CNN1: variants seen among roughly 807,000 people sequenced by gnomAD.
CNN1 encodes the protein calponin 1, also known as calponin-1.
Under a neutral mutation model 35.3 loss-of-function variants are expected in CNN1, and 21 were observed. The observed-to-expected ratio is 0.60, with a 90% confidence interval of 0.42 to 0.86. CNN1 has a LOEUF of 0.86. Among genes scored for constraint, CNN1 ranks in the 40% least tolerant of loss-of-function variants. The pLI is 0.00. For synonymous variants in CNN1, 164 were observed against 161.8 expected, an observed-to-expected ratio of 1.01 and a Z score of -0.10; for missense variants, 314 against 400.8, an observed-to-expected ratio of 0.78 and a Z score of 1.85.
rs759065611 is a variant in CNN1, at chr19:11,541,169, G to T, written c.157G>T (p.Gly53Cys). ...GRRIGNNFMD[G>C]LKDGIILCEF... ...TCGCATCGGCAACAACTTCATGGAC[G>T]GCCTCAAAGATGGCATCATTCTTTG... The change falls in exon 2 of 7, where the codon GGC (glycine) becomes TGC (cysteine). Residue 53 changes from glycine to cysteine, a missense_variant. Gly to Cys is a radical substitution (Grantham distance 159, BLOSUM62 -3). Transcript: ENST00000252456. 7 of 1,599,092 alleles carry T rather than the reference G, an allele frequency of 4.4e-6. No homozygotes were observed. The highest frequency in any genetic ancestry group is 6.0e-6 in the Non-Finnish European group (7 of 1,171,914).
At chr19:11,540,934 G>C (rs779364644) in intron 1 of CNN1, 142 bp from the exon 2 acceptor site, 50 of 877,836 alleles carry the variant, frequency 5.7e-5, no homozygotes, top group Non-Finnish European at 7.5e-5. Flanking sequence ...CCCCAACTAT[G>C]GATCTGGGGC....
rs539832976 is a variant in CNN1 at position 11,539,152 on chromosome 19, C to T, written c.63+162C>T. The T allele has an allele frequency of 3.7e-6, 4 of 1,092,062 alleles. No individual in the cohort carries two copies. In the East Asian group the frequency reaches 1.3e-4, roughly 34 times the overall value. The allele number at this position is 1,092,062 out of a possible 1,614,324, so 67.6% of individuals were successfully genotyped here. On this transcript the variant is annotated intron_variant, in intron 1 of 6. Transcript: ENST00000252456. ...TAGGGGCTGCCTGTCTCCCCCTGAA[C>T]ATCCCGGAGCCCCCAGCTATGGTTG... is the stretch of plus-strand genomic sequence containing the variant.
intron 2 of CNN1, among the ~76,000 whole-genome samples, chr19:11,545,184 G>C (rs1972552673): frequency 6.7e-6 from 1 of 150,052 alleles, no homozygotes; most frequent in African/African-American, 2.5e-5. Flanking sequence ...CTGAGTGACA[G>C]AGCAAGACTC....
chr19:11,545,599 T>C (rs1972562905), intron 2 of CNN1, among the ~76,000 whole-genome samples: 1 of 151,164 alleles, frequency 6.6e-6, no homozygotes, highest in Non-Finnish European at 1.5e-5. Flanking sequence ...AATGAGATGG[T>C]AAGAAACCCA....
At position 11,546,946 on chromosome 19, in the gene CNN1, A is replaced by C. The variant is rs1257847526; in HGVS notation, c.367A>C (p.Thr123Pro). 1 of 1,613,986 alleles carries C rather than the reference A, an allele frequency of 6.2e-7. No individual in the cohort carries two copies. Among genetic ancestry groups the C allele is most frequent in the Non-Finnish European group, 8.5e-7 (1 of 1,180,024 alleles). Residue 123 changes from threonine (T) to proline (P), a missense_variant, in exon 4 of 7, where the codon ACC (threonine) becomes CCC (proline). Coordinates refer to ENST00000252456, the MANE Select transcript of CNN1 (RefSeq NM_001299.6). Reference sequence around the variant, plus strand: ...CACCAACCATACACAGGTGCAGTCCACCCTCCTGGCTTTGGCCAGCATGGT... The same window carrying C: ...CACCAACCATACACAGGTGCAGTCCCCCCTCCTGGCTTTGGCCAGCATGGT... ...ENTNHTQVQS[T>P]LLALASMAKT...
chr19:11,549,157 CA>C lies in CNN1; in HGVS notation c.502-165del, dbSNP rs1459009041. 6.6e-5 allele frequency among the ~76,000 whole-genome samples: 10 copies of C among 150,670 alleles called. No homozygotes were observed. The highest frequency in any genetic ancestry group is 2.4e-4 in the African/African-American group (10 of 40,962). On this transcript the variant is annotated intron_variant, in intron 5 of 6. Coordinates refer to ENST00000252456, the MANE Select transcript of CNN1 (RefSeq NM_001299.6). The surrounding 1 kb of genome is among the most constrained non-coding windows in gnomAD (Gnocchi z 5.2). ...GAGCTGAGATCATGTCACTGCACTCCAGCCTGGGCAACAGAGCAAGACTCCG... is the reference window on the plus strand; with the variant it reads ...GAGCTGAGATCATGTCACTGCACTCCGCCTGGGCAACAGAGCAAGACTCCG...
At position 11,547,920 on chromosome 19, in the gene CNN1, C is replaced by T; in HGVS notation, c.501+13C>T. 1 of 1,607,830 alleles carries T rather than the reference C, an allele frequency of 6.2e-7. No homozygotes were observed. The highest frequency in any genetic ancestry group is 8.5e-7 in the Non-Finnish European group (1 of 1,175,986). Reference sequence around the variant, plus strand: ...CATTGGGCTGCAGGTACCGCCCTGTCCTCACTGCGCAGAGGTCATAGAGGC... The same window carrying T: ...CATTGGGCTGCAGGTACCGCCCTGTTCTCACTGCGCAGAGGTCATAGAGGC... On this transcript the variant is annotated intron_variant, in intron 5 of 6. Coordinates refer to ENST00000252456, the MANE Select transcript of CNN1 (RefSeq NM_001299.6).
At chr19:11,541,741 A>C (rs953129100) in intron 2 of CNN1, among the ~76,000 whole-genome samples, 6 of 152,060 alleles carry the variant, frequency 3.9e-5, no homozygotes, top group Non-Finnish European at 8.8e-5. Context: ...GGCACGCACC[A>C]CCATGCCTGG....
rs563841340 is a variant in CNN1, at chr19:11,547,839, G to T, written c.433G>T (p.Ala145Ser). 6.2e-7 allele frequency: 1 copy of T among 1,613,906 alleles called. No homozygotes were observed. The highest frequency in any genetic ancestry group is 1.1e-5 in the South Asian group (1 of 91,082). Residue 145 changes from alanine to serine, a missense_variant, in exon 5 of 7, where the codon GCA (alanine) becomes TCA (serine). Physicochemically the swap from Ala to Ser is moderately conservative, Grantham distance 99. Transcript: ENST00000252456. ...GNKVNVGVKYAEKQERKFEPG... is the reference protein window; with the variant it reads ...GNKVNVGVKYSEKQERKFEPG... ...CAAGGTGAACGTGGGAGTGAAGTAC[G>T]CAGAGAAGCAGGAGCGGAAATTCGA...
rs915446446 is a variant in CNN1, at chr19:11,540,154, G to A, written c.64-922G>A. The A allele has an allele frequency of 9.7e-6, 7 of 718,220 alleles. No homozygotes were observed. The Admixed American group carries it at 3.4e-4, about 34-fold the overall frequency. 44.5% of individuals were successfully genotyped at this position (718,220 alleles called of 1,614,324 possible). A position where few individuals can be genotyped will look rare whatever the true frequency, so the allele number is the denominator to read the frequency against. On this transcript the variant is annotated intron_variant, in intron 1 of 6. Coordinates refer to ENST00000252456, the MANE Select transcript of CNN1 (RefSeq NM_001299.6). ...AGAAATGGGAGTGGAGTGGGGGAGG[G>A]GGGGGACAGTGGAGAGAGGGAAAAG...
At position 11,546,888 on chromosome 19, in the gene CNN1, C is replaced by G; in HGVS notation, c.309C>G (p.His103Gln). The G allele has an allele frequency of 1.9e-6, 3 of 1,614,242 alleles. No homozygotes were observed. The highest frequency in any genetic ancestry group is 2.2e-5 in the South Asian group (2 of 91,086). The change falls in exon 4 of 7, where the codon CAC (histidine) becomes CAG (glutamine). Residue 103 changes from histidine (H) to glutamine (Q), a missense_variant. Physicochemically the swap from His to Gln is conservative, Grantham distance 24. Coordinates refer to ENST00000252456, the MANE Select transcript of CNN1 (RefSeq NM_001299.6). ...TCACCAAGTATGGGGTGAAGCCCCA[C>G]GACATTTTTGAGGCCAACGACCTGT... ...KAITKYGVKP[H>Q]DIFEANDLFE...
chr19:11,542,733 G>A (rs1319893875), intron 2 of CNN1, among the ~76,000 whole-genome samples: 4 of 151,850 alleles, frequency 2.6e-5, no homozygotes, highest in Non-Finnish European at 4.4e-5. Flanking sequence ...CCGCCACCAC[G>A]CCCAGCTAAT....
Position 11,539,007 on chromosome 19 carries a change from TC to T in CNN1, c.63+20del. 1.3e-6 allele frequency: 2 copies of T among 1,567,806 alleles called. No individual in the cohort carries two copies. Among genetic ancestry groups the T allele is most frequent in the South Asian group, 2.3e-5 (2 of 85,700 alleles). Reference sequence around the variant, plus strand: ...AAGAACAAGGTAGGGCTGGAGGGCCTCCCTGGCCTGGCCCACACGTCCTGCC... The same window carrying T: ...AAGAACAAGGTAGGGCTGGAGGGCCTCCTGGCCTGGCCCACACGTCCTGCC... On this transcript the variant is annotated intron_variant, in intron 1 of 6. Transcript: ENST00000252456.
At chr19:11,547,091 G>GGGATC in intron 4 of CNN1, 122 bp downstream of exon 4, 23 of 1,457,428 alleles carry the variant, frequency 1.6e-5, no homozygotes, top group Non-Finnish European at 2.2e-5. Context: ...TCGGGGAGCA[G>GGGATC]GTGCTGTCAA....
intron 1 of CNN1, among the ~76,000 whole-genome samples, chr19:11,540,860 C>T (rs539568417): frequency 6.6e-6 from 1 of 152,326 alleles, no homozygotes; most frequent in South Asian, 2.1e-4. Context: ...CTCAGAATGC[C>T]CGGAATGGCC....
intron 1 of CNN1, chr19:11,540,081 GTCCCCTAGGGGC>G: frequency 1.9e-6 from 2 of 1,030,252 alleles, no homozygotes; most frequent in Non-Finnish European, 2.3e-6. Flanking sequence ...AGGCAGCCCG[GTCCCCTAGGGGC>G]TGGGAGCCTG....
intron 2 of CNN1, chr19:11,542,149 A>G (rs1972479765): frequency 6.6e-6 from 1 of 151,372 alleles, no homozygotes; most frequent in Admixed American, 6.6e-5. Flanking sequence ...CGGCCTCCCA[A>G]ATTGCTGGGA....
Position 11,549,508 on chromosome 19 carries a change from G to A in CNN1, c.648+39G>A. On this transcript the variant is annotated intron_variant, in intron 6 of 6. Transcript: ENST00000252456. This position sits in a 1 kb window ranked among gnomAD's most constrained non-coding sequence, Gnocchi z 5.2. ...CCCGGGACACGCCGTCAAGGCCCAGGACCCTGGCCACCCCACGGCCTGACC... is the reference window on the plus strand; with the variant it reads ...CCCGGGACACGCCGTCAAGGCCCAGAACCCTGGCCACCCCACGGCCTGACC... The A allele has an allele frequency of 6.2e-7, 1 of 1,608,146 alleles. No individual in the cohort carries two copies. The highest frequency in any genetic ancestry group is 8.5e-7 in the Non-Finnish European group (1 of 1,175,804).
intron 2 of CNN1, among the ~76,000 whole-genome samples, chr19:11,544,767 C>T (rs1380338234): frequency 6.7e-6 from 1 of 150,338 alleles, no homozygotes; most frequent in Non-Finnish European, 1.5e-5. Flanking sequence ...CTTCCCAAAG[C>T]ACTGGGATTA....
Sources: allele counts gnomAD v4.1 joint callset (sites outside exome capture counted in the v4.1 genomes callset), GRCh38; gene constraint gnomAD v4.1.1; non-coding constraint Gnocchi (gnomAD v3.1); transcripts MANE v1.5; gene names NCBI Gene and HGNC (gene_info 2026-07-23, HGNC 2026-07-21).